LPP: variants seen among roughly 807,000 people sequenced by gnomAD.
LPP encodes lipoma-preferred partner.
In LPP, 38 loss-of-function variants were observed where a neutral mutation model predicts 60.4. The ratio of observed to expected loss-of-function variants is 0.63; its 90% CI spans 0.49 to 0.83. The LOEUF is 0.83. Among genes scored for constraint, LPP ranks in the 40% least tolerant of loss-of-function variants. LPP has a pLI of 0.00. For missense variants in LPP, 902 were observed against 783.6 expected, an observed-to-expected ratio of 1.15 and a Z score of -1.80; for synonymous variants, 328 against 290.8, an observed-to-expected ratio of 1.13 and a Z score of -1.30.
At chr3:188,266,491 G>A (rs1392928232) in intron 2 of LPP, among the ~76,000 whole-genome samples, 2 of 151,560 alleles carry the variant, frequency 1.3e-5, no homozygotes, top group African/African-American at 2.4e-5. Context: ...GAGAGAGCGC[G>A]AGAGAGACAG....
At chr3:188,841,549 G>A (rs1175002245) in intron 9 of LPP, among the ~76,000 whole-genome samples, 2 of 151,918 alleles carry the variant, frequency 1.3e-5, no homozygotes, top group Non-Finnish European at 2.9e-5. Flanking sequence ...GCAACACCAC[G>A]CCCAGCTAAT....
At chr3:188,244,777 G>T (rs368639107) in intron 2 of LPP, among the ~76,000 whole-genome samples, 1 of 152,098 alleles carries the variant, frequency 6.6e-6, no homozygotes, top group East Asian at 1.9e-4. Context: ...CACACTGCCT[G>T]GTGTCTACTC....
intron 6 of LPP, among the ~76,000 whole-genome samples, chr3:188,582,113 C>T (rs942559529): frequency 2.7e-5 from 4 of 150,718 alleles, no homozygotes; most frequent in Non-Finnish European, 5.9e-5. Context: ...AGTGGCTCTT[C>T]GTCTCCCTCT....
intron 3 of LPP, among the ~76,000 whole-genome samples, chr3:188,344,785 C>T (rs886970073): frequency 1.3e-5 from 2 of 152,192 alleles, no homozygotes; most frequent in Non-Finnish European, 1.5e-5. Context: ...GCGGTAGTCC[C>T]TTACCCCAGC....
At chr3:188,586,481 T>C (rs1837475667) in intron 6 of LPP, among the ~76,000 whole-genome samples, 1 of 152,164 alleles carries the variant, frequency 6.6e-6, no homozygotes, top group Non-Finnish European at 1.5e-5. Context: ...TGGAAAACTT[T>C]GGAAAGTACA....
At chr3:188,615,903 C>T (rs1343696560) in intron 7 of LPP, among the ~76,000 whole-genome samples, 1 of 152,124 alleles carries the variant, frequency 6.6e-6, no homozygotes, top group Admixed American at 6.5e-5. Flanking sequence ...GGTGGCTGCT[C>T]ATACCCTTTG....
intron 5 of LPP, among the ~76,000 whole-genome samples, chr3:188,510,773 C>G (rs1233919616): frequency 6.6e-6 from 1 of 152,204 alleles, no homozygotes; most frequent in Non-Finnish European, 1.5e-5. Context: ...CCTTCTATAT[C>G]TTTATGCTCA....
intron 4 of LPP, among the ~76,000 whole-genome samples, chr3:188,465,633 A>G (rs1800194504): frequency 6.6e-6 from 1 of 152,186 alleles, no homozygotes. Flanking sequence ...TGTCTAAGTA[A>G]TATAATGTCT....
At chr3:188,189,351 G>A (rs1452925856) in intron 1 of LPP, among the ~76,000 whole-genome samples, 1 of 152,192 alleles carries the variant, frequency 6.6e-6, no homozygotes, top group Non-Finnish European at 1.5e-5. Flanking sequence ...GCCTCCCAAA[G>A]CACTGGCATT....
intron 2 of LPP, among the ~76,000 whole-genome samples, chr3:188,290,087 C>T (rs1267847658): frequency 1.3e-5 from 2 of 152,058 alleles, no homozygotes; most frequent in East Asian, 3.9e-4. Flanking sequence ...ATTCTCCTTC[C>T]TCAGCCTCCC....
At chr3:188,363,333 C>G (rs1770083749) in intron 3 of LPP, among the ~76,000 whole-genome samples, 1 of 152,194 alleles carries the variant, frequency 6.6e-6, no homozygotes, top group Non-Finnish European at 1.5e-5. Flanking sequence ...AAAAACGACA[C>G]TCTTGTCTGT....
chr3:188,808,347 G>A (rs12638239), intron 9 of LPP, among the ~76,000 whole-genome samples: 37,071 of 151,994 alleles, frequency 0.24, 6,083 homozygotes, highest in East Asian at 0.8. Flanking sequence ...TGAGGCAGAG[G>A]GACATTTTCT....
At position 188,357,271 on chromosome 3, in the gene LPP, G is replaced by A. The variant is rs189990208; in HGVS notation, c.-10+15552G>A. Among the ~76,000 whole-genome samples the A allele has an allele frequency of 1.3e-3, 194 of 152,192 alleles. 1 individual carries two copies. The highest frequency in any genetic ancestry group is 4.4e-3 in the African/African-American group (184 of 41,530). ...GGACAGAAAACCTACCCTAAAGACA[G>A]GAAAGAAGGTGAACGGCTATTTCAC... On this transcript the variant is annotated intron_variant, in intron 3 of 11. Coordinates refer to ENST00000617246, the MANE Select transcript of LPP (RefSeq NM_001375462.1).
intron 4 of LPP, among the ~76,000 whole-genome samples, chr3:188,458,993 ATAGTT>A (rs1400899691): frequency 6.6e-6 from 1 of 152,090 alleles, no homozygotes; most frequent in Non-Finnish European, 1.5e-5. Context: ...CTGATCTACT[ATAGTT>A]AACAAGTCAG....
chr3:188,153,784 A>G (rs1365370296), upstream of LPP: 2 of 149,222 alleles, frequency 1.3e-5, no homozygotes, highest in Admixed American at 6.7e-5. Context: ...AAATGCGTGC[A>G]GGCAAAGTCA....
intron 3 of LPP, among the ~76,000 whole-genome samples, chr3:188,386,610 A>C (rs1778375838): frequency 6.6e-6 from 1 of 152,166 alleles, no homozygotes; most frequent in Non-Finnish European, 1.5e-5. Flanking sequence ...TGTTGTATGA[A>C]TTTTCCCCGA....
At chr3:188,663,178 G>A (rs1854986497) in intron 7 of LPP, among the ~76,000 whole-genome samples, 1 of 152,238 alleles carries the variant, frequency 6.6e-6, no homozygotes, top group African/African-American at 2.4e-5. Context: ...GTGAATGTGA[G>A]CCTGTGCAGT....
intron 4 of LPP, among the ~76,000 whole-genome samples, chr3:188,460,889 T>G (rs950698335): frequency 2.0e-5 from 3 of 152,114 alleles, no homozygotes; most frequent in Non-Finnish European, 4.4e-5. Flanking sequence ...AGTATTCAAT[T>G]TGGTTACTCT....
At chr3:188,753,050 T>C (rs2150344583) in intron 8 of LPP, among the ~76,000 whole-genome samples, 1 of 152,228 alleles carries the variant, frequency 6.6e-6, no homozygotes, top group Non-Finnish European at 1.5e-5. Context: ...TAGGTCAGAG[T>C]TATGATTGAA....
Sources: allele counts gnomAD v4.1 joint callset (sites outside exome capture counted in the v4.1 genomes callset), GRCh38; gene constraint gnomAD v4.1.1; transcripts MANE v1.5; gene names NCBI Gene and HGNC (gene_info 2026-07-23, HGNC 2026-07-21).